CNTNAP2: variants seen among roughly 807,000 people sequenced by gnomAD.
The protein encoded by CNTNAP2 is contactin-associated protein-like 2.
In CNTNAP2, 98 loss-of-function variants were observed where a neutral mutation model predicts 155.2. That is an observed-to-expected ratio of 0.63 (90% CI 0.54 to 0.75). The LOEUF is 0.75. CNTNAP2 is among the 30% of genes least tolerant of loss of function. CNTNAP2 has a pLI of 0.00. For synonymous variants in CNTNAP2, 651 were observed against 631.2 expected (o/e 1.03, Z -0.47); for missense variants, 1,727 against 1,688.1 (o/e 1.02, Z -0.40).
intron 3 of CNTNAP2, among the ~76,000 whole-genome samples, chr7:146,990,137 AATG>A (rs1798185698): frequency 6.6e-6 from 1 of 152,172 alleles, no homozygotes; most frequent in Non-Finnish European, 1.5e-5. Flanking sequence ...TCTAATGTAC[AATG>A]ATATTTGAAC....
At chr7:146,917,844 C>G (rs1172134331) in intron 3 of CNTNAP2, among the ~76,000 whole-genome samples, 1 of 152,192 alleles carries the variant, frequency 6.6e-6, no homozygotes, top group Non-Finnish European at 1.5e-5. Context: ...TGTGAGGCCT[C>G]TCCAGCCATG....
chr7:146,245,752 T>C (rs558285728), intron 1 of CNTNAP2, among the ~76,000 whole-genome samples: 1 of 152,208 alleles, frequency 6.6e-6, no homozygotes, highest in Admixed American at 6.5e-5. Flanking sequence ...TGTGAAGCCT[T>C]GCGGCAGTAC....
intron 11 of CNTNAP2, among the ~76,000 whole-genome samples, chr7:147,547,498 C>T (rs1215728282): frequency 6.6e-6 from 1 of 152,158 alleles, no homozygotes; most frequent in Admixed American, 6.6e-5. Flanking sequence ...AGCGCTGTCT[C>T]CTCAGCTCAT....
intron 9 of CNTNAP2, among the ~76,000 whole-genome samples, chr7:147,318,449 T>C (rs1156450296): frequency 6.6e-6 from 1 of 152,132 alleles, no homozygotes; most frequent in Non-Finnish European, 1.5e-5. Context: ...TGTTTGTTTT[T>C]TTAAAGACAA....
chr7:148,027,969 T>C (rs1476810940), intron 15 of CNTNAP2, among the ~76,000 whole-genome samples: 1 of 152,176 alleles, frequency 6.6e-6, no homozygotes. Context: ...CAATAACACC[T>C]ATAGATGATA....
At chr7:146,797,538 A>T (rs1802793119) in intron 2 of CNTNAP2, among the ~76,000 whole-genome samples, 1 of 152,238 alleles carries the variant, frequency 6.6e-6, no homozygotes, top group Non-Finnish European at 1.5e-5. Flanking sequence ...TTGTTAGCAA[A>T]AGACCACTAA....
chr7:147,154,994 G>A (rs974666459), intron 8 of CNTNAP2, among the ~76,000 whole-genome samples: 6 of 152,036 alleles, frequency 3.9e-5, no homozygotes, highest in South Asian at 2.1e-4. Flanking sequence ...AAAAGACATC[G>A]GCAGACTGAA....
chr7:147,228,763 C>T (rs760390691), intron 8 of CNTNAP2, among the ~76,000 whole-genome samples: 1 of 151,986 alleles, frequency 6.6e-6, no homozygotes, highest in Non-Finnish European at 1.5e-5. Context: ...CCCATCAACC[C>T]GTCATCTACA....
intron 1 of CNTNAP2, among the ~76,000 whole-genome samples, chr7:146,450,970 G>A (rs1025178614): frequency 9.3e-6 from 1 of 106,998 alleles, no homozygotes; most frequent in Non-Finnish European, 1.9e-5. Flanking sequence ...TATTTGAGAC[G>A]GAGTCTTGCC....
At chr7:148,075,759 G>A (rs980503828) in intron 15 of CNTNAP2, among the ~76,000 whole-genome samples, 7 of 152,214 alleles carry the variant, frequency 4.6e-5, no homozygotes, top group African/African-American at 1.7e-4. Context: ...CCCCCAAATA[G>A]AGGGATTAGA....
chr7:147,753,083 T>C (rs531734368), intron 13 of CNTNAP2, among the ~76,000 whole-genome samples: 4 of 152,360 alleles, frequency 2.6e-5, no homozygotes, highest in Non-Finnish European at 4.4e-5. Context: ...GCTCCTGTTA[T>C]CTGGAAACAT....
chr7:147,011,500 G>C (rs577845999), intron 3 of CNTNAP2, among the ~76,000 whole-genome samples: 15 of 151,424 alleles, frequency 9.9e-5, no homozygotes, highest in Non-Finnish European at 1.9e-4. Flanking sequence ...ATTGAAAGAG[G>C]CATAAAAACT....
chr7:146,885,977 G>C, intron 3 of CNTNAP2, among the ~76,000 whole-genome samples: 1 of 143,514 alleles, frequency 7.0e-6, no homozygotes, highest in Non-Finnish European at 1.5e-5. Context: ...GTGTGTGTAT[G>C]TGCTTTCCCT....
Position 146,271,705 on chromosome 7 carries a change from A to G in CNTNAP2, c.97+154732A>G, listed in dbSNP as rs148258475. 2.5e-3 allele frequency among the ~76,000 whole-genome samples: 380 copies of G among 151,952 alleles called. 4 individuals carry two copies. The highest frequency in any genetic ancestry group is 8.8e-3 in the African/African-American group (364 of 41,538). On this transcript the variant is annotated intron_variant, in intron 1 of 23. Coordinates refer to ENST00000361727, the MANE Select transcript of CNTNAP2 (RefSeq NM_014141.6). Reference sequence around the variant, plus strand: ...TTTATAATTTTGAAAAATTTTCTCTATTACTCTGATACTTTAGAGAGCCAC... The same window carrying G: ...TTTATAATTTTGAAAAATTTTCTCTGTTACTCTGATACTTTAGAGAGCCAC...
chr7:147,122,867 G>A (rs1322791340), intron 6 of CNTNAP2: 1 of 152,010 alleles, frequency 6.6e-6, no homozygotes, highest in East Asian at 1.9e-4. Context: ...ATATGTGTGT[G>A]TTATGTATAT....
At chr7:148,068,151 T>G (rs1182590781) in intron 15 of CNTNAP2, among the ~76,000 whole-genome samples, 1 of 152,160 alleles carries the variant, frequency 6.6e-6, no homozygotes, top group Non-Finnish European at 1.5e-5. Flanking sequence ...TATCTACACT[T>G]TCTGTTCACC....
intron 14 of CNTNAP2, among the ~76,000 whole-genome samples, chr7:147,926,168 G>A (rs991048847): frequency 7.9e-5 from 12 of 152,078 alleles, no homozygotes; most frequent in African/African-American, 2.9e-4. Context: ...AGTATGAAGA[G>A]ATATTAAAAT....
chr7:147,875,338 G>A (rs879710350), intron 13 of CNTNAP2, among the ~76,000 whole-genome samples: 10 of 152,220 alleles, frequency 6.6e-5, no homozygotes, highest in East Asian at 3.9e-4. Context: ...ATGTCTTTCC[G>A]GGCAGGCAAG....
At chr7:146,910,590 C>T (rs1402924556) in intron 3 of CNTNAP2, among the ~76,000 whole-genome samples, 12 of 151,126 alleles carry the variant, frequency 7.9e-5, no homozygotes, top group South Asian at 6.2e-4. Context: ...GCTGGGAAAA[C>T]TGGCTAGCCA....
Sources: gnomAD v4.1 joint callset for allele counts (sites outside exome capture counted in the v4.1 genomes callset) on GRCh38, gnomAD v4.1.1 for gene constraint, MANE v1.5 for transcripts, NCBI Gene and HGNC (gene_info 2026-07-23, HGNC 2026-07-21) for gene names.